Variants in FAT3 observed in about 807,000 individuals in gnomAD.
FAT3 encodes the protein protocadherin Fat 3.
In FAT3, 95 loss-of-function variants were observed where a neutral mutation model predicts 310.2. The observed-to-expected ratio is 0.31, with a 90% CI of 0.26 to 0.36. The LOEUF is 0.36. Among genes scored for constraint, FAT3 ranks in the 10% least tolerant of loss-of-function variants. FAT3 has a pLI of 1.00. For synonymous variants in FAT3, 2,314 were observed against 2,192.9 expected (o/e 1.06, Z -1.54); for missense variants, 5,408 against 5,715.6 (o/e 0.95, Z 1.74).
intron 13 of FAT3, 91 bp downstream of exon 13, chr11:92,810,167 A>G: frequency 8.5e-7 from 1 of 1,172,044 alleles, no homozygotes; most frequent in South Asian, 1.5e-5. Context: ...ACCTTAATCA[A>G]CCCCCTTGGT....
chr11:92,807,309 T>A (rs184915116), intron 12 of FAT3, among the ~76,000 whole-genome samples: 41 of 152,276 alleles, frequency 2.7e-4, no homozygotes, highest in Admixed American at 5.2e-4. Flanking sequence ...GTGCTCAGCA[T>A]GTCAAAGCAC....
At chr11:92,807,859 A>G (rs1482584315) in intron 12 of FAT3, among the ~76,000 whole-genome samples, 1 of 152,238 alleles carries the variant, frequency 6.6e-6, no homozygotes, top group East Asian at 1.9e-4. Context: ...AAATTATTTT[A>G]GTTTTGTAGA....
chr11:92,363,518 A>G (rs1005695751), intron 2 of FAT3, among the ~76,000 whole-genome samples: 7 of 152,184 alleles, frequency 4.6e-5, no homozygotes, highest in African/African-American at 1.7e-4. Flanking sequence ...CTTTTTCCCA[A>G]ACTTGCCTGG....
Position 92,352,686 on chromosome 11 carries a change from G to C in FAT3, c.574G>C (p.Glu192Gln), listed in dbSNP as rs1344137818. Reference protein sequence around the residue: ...ATDADIGSNGEFYYYFKNKVD... With the variant: ...ATDADIGSNGQFYYYFKNKVD... ...AGACGCAGATATTGGTTCCAATGGAGAATTCTACTACTACTTTAAAAATAA... is the reference window on the plus strand; with the variant it reads ...AGACGCAGATATTGGTTCCAATGGACAATTCTACTACTACTTTAAAAATAA... Residue 192 changes from glutamate (E) to glutamine (Q), a missense_variant, in exon 2 of 28, where the codon GAA becomes CAA. This residue lies in a region of FAT3 where 4,588 missense variants were observed against 4,809.8 expected (regional missense o/e 0.95). Coordinates refer to ENST00000525166, the MANE Select transcript of FAT3 (RefSeq NM_001367949.2). 1.9e-6 allele frequency: 3 copies of C among 1,613,704 alleles called. No homozygotes were observed. Among genetic ancestry groups the C allele is most frequent in the Non-Finnish European group, 2.5e-6 (3 of 1,179,872 alleles).
At chr11:92,402,469 C>T (rs904316475) in intron 2 of FAT3, among the ~76,000 whole-genome samples, 21 of 151,926 alleles carry the variant, frequency 1.4e-4, no homozygotes, top group African/African-American at 5.1e-4. Context: ...GTGGCTCACA[C>T]CTGTGATCCC....
chr11:92,384,653 G>A (rs965812137), intron 2 of FAT3, among the ~76,000 whole-genome samples: 5 of 152,146 alleles, frequency 3.3e-5, no homozygotes, highest in African/African-American at 1.2e-4. Flanking sequence ...TGTTTCAAAG[G>A]CTCAGCTAAT....
At chr11:92,542,900 A>G (rs1954496571) in intron 3 of FAT3, among the ~76,000 whole-genome samples, 1 of 152,162 alleles carries the variant, frequency 6.6e-6, no homozygotes, top group South Asian at 2.1e-4. Context: ...CACTTTTCAC[A>G]ATAGCCAAGA....
chr11:92,686,486 C>T (rs1439090947), intron 3 of FAT3, among the ~76,000 whole-genome samples: 2 of 152,102 alleles, frequency 1.3e-5, no homozygotes, highest in East Asian at 3.9e-4. Flanking sequence ...CAAAGGTAAA[C>T]TCCAACCAGC....
chr11:92,358,128 G>A (rs1310118109), intron 2 of FAT3, among the ~76,000 whole-genome samples: 1 of 151,954 alleles, frequency 6.6e-6, no homozygotes, highest in Non-Finnish European at 1.5e-5. Context: ...AGTGAGTGGT[G>A]ACCACACCAC....
intron 3 of FAT3, 126 bp from the exon 4 acceptor site, chr11:92,697,258 A>G (rs1282268563): frequency 8.9e-6 from 6 of 675,394 alleles, no homozygotes; most frequent in East Asian, 5.5e-5. Flanking sequence ...TCTGATTGTC[A>G]TGGGGGATTG....
At chr11:92,782,989 A>G (rs908860681) in intron 7 of FAT3, among the ~76,000 whole-genome samples, 1 of 152,224 alleles carries the variant, frequency 6.6e-6, no homozygotes, top group African/African-American at 2.4e-5. Flanking sequence ...CTAGAACAAC[A>G]GACTCCCACA....
chr11:92,638,734 G>C (rs560821646), intron 3 of FAT3, among the ~76,000 whole-genome samples: 6 of 152,292 alleles, frequency 3.9e-5, no homozygotes, highest in Middle Eastern at 6.8e-3. Context: ...GGTTGTGCAC[G>C]TGAAGGAGTA....
At chr11:92,670,581 C>T (rs1943096727) in intron 3 of FAT3, among the ~76,000 whole-genome samples, 1 of 152,156 alleles carries the variant, frequency 6.6e-6, no homozygotes, top group Non-Finnish European at 1.5e-5. Flanking sequence ...CCTTTTGAGC[C>T]AGCTCGCAAG....
Position 92,857,357 on chromosome 11 carries a change from T to C in FAT3, c.11500+9T>C. 1 of 1,613,678 alleles carries C rather than the reference T, an allele frequency of 6.2e-7. No homozygotes were observed. The highest frequency in any genetic ancestry group is 8.5e-7 in the Non-Finnish European group (1 of 1,179,816). On this transcript the variant is annotated intron_variant, in intron 20 of 27. Coordinates refer to ENST00000525166, the MANE Select transcript of FAT3 (RefSeq NM_001367949.2). ...GCTCGGAGAGTGCTCAGGTGCAGAGTGGAGTGGAATGATGCAGATCTAATT... is the reference window on the plus strand; with the variant it reads ...GCTCGGAGAGTGCTCAGGTGCAGAGCGGAGTGGAATGATGCAGATCTAATT...
intron 3 of FAT3, among the ~76,000 whole-genome samples, chr11:92,575,661 A>G (rs1042594626): frequency 2.0e-5 from 3 of 152,166 alleles, no homozygotes; most frequent in Non-Finnish European, 4.4e-5. Flanking sequence ...TGATAAGCAT[A>G]TATATGAACT....
intron 2 of FAT3, among the ~76,000 whole-genome samples, chr11:92,377,748 C>A (rs1949384408): frequency 6.6e-6 from 1 of 152,110 alleles, no homozygotes; most frequent in Non-Finnish European, 1.5e-5. Flanking sequence ...CAGAACCTGG[C>A]ATATGATCAC....
At chr11:92,859,458 A>G in intron 21 of FAT3, 136 bp downstream of exon 21, 4 of 900,022 alleles carry the variant, frequency 4.4e-6, no homozygotes, top group Non-Finnish European at 6.3e-6. Flanking sequence ...AAAGGGGAGC[A>G]GCGGCAGAAC....
rs1288936701 is a variant in FAT3, at chr11:92,837,797, T to G, written c.10359T>G (p.Ala3453=). The G allele has an allele frequency of 1.2e-6, 2 of 1,614,010 alleles. No homozygotes were observed. Among genetic ancestry groups the G allele is most frequent in the Admixed American group, 3.3e-5 (2 of 60,030 alleles). ...TGTTTACACCTGCCAACTATACTGC[T>G]GTGATTCAGGTGAGAAAATCTTGCC... ...SPVFTPANYT[A]VIQENKPVGT... The change falls in exon 17 of 28, where the codon GCT becomes GCG. Residue 3453 remains alanine (A), a synonymous_variant. Coordinates refer to ENST00000525166, the MANE Select transcript of FAT3 (RefSeq NM_001367949.2).
In FAT3 at chr11:92,358,789, A is replaced by G. The variant is rs547683220; in HGVS notation, c.3292+3385A>G. Among the ~76,000 whole-genome samples, 19 of 152,154 alleles carry G rather than the reference A, an allele frequency of 1.2e-4. No individual in the cohort carries two copies. The South Asian group carries it at 3.7e-3, about 30-fold the overall frequency. On this transcript the variant is annotated intron_variant, in intron 2 of 27. Coordinates refer to ENST00000525166, the MANE Select transcript of FAT3 (RefSeq NM_001367949.2). ...TTTACTACTGTTGAATGATCCATCA[A>G]TTTTTTGCTTCCAAGTGCTAAAAAA...
Sources: gnomAD v4.1 joint callset for allele counts (sites outside exome capture counted in the v4.1 genomes callset) on GRCh38, gnomAD v4.1.1 for gene constraint, gnomAD v4.1.1 regional missense constraint, MANE v1.5 for transcripts, NCBI Gene and HGNC (gene_info 2026-07-23, HGNC 2026-07-21) for gene names.